GDAP2: variants seen among roughly 807,000 people sequenced by gnomAD.
GDAP2 encodes ganglioside-induced differentiation-associated protein 2.
Under a neutral mutation model 67.0 loss-of-function variants are expected in GDAP2, and 51 were observed. The ratio of observed to expected loss-of-function variants is 0.76; its 90% CI spans 0.61 to 0.96. The LOEUF is 0.96. Ranked by LOEUF, GDAP2 falls within the 40% of genes least tolerant of loss-of-function variation. The pLI is 0.00. For missense variants in GDAP2, 547 were observed against 588.3 expected, an observed-to-expected ratio of 0.93 and a Z score of 0.73; for synonymous variants, 203 against 207.3, an observed-to-expected ratio of 0.98 and a Z score of 0.18.
At chr1:117,881,665 C>G (rs1648651170) in intron 12 of GDAP2, among the ~76,000 whole-genome samples, 158 bp downstream of exon 12, 1 of 152,128 alleles carries the variant, frequency 6.6e-6, no homozygotes, top group Admixed American at 6.6e-5. Context: ...TCACATACAA[C>G]CAAAACATCA....
intron 1 of GDAP2, among the ~76,000 whole-genome samples, chr1:117,926,439 A>G (rs1417738751): frequency 2.6e-5 from 4 of 152,222 alleles, no homozygotes; most frequent in Non-Finnish European, 5.9e-5. Flanking sequence ...TGGATGTTAA[A>G]TAAGTAAAAG....
chr1:117,902,701 C>T (rs927878192), intron 6 of GDAP2, among the ~76,000 whole-genome samples: 2 of 152,162 alleles, frequency 1.3e-5, no homozygotes, highest in African/African-American at 4.8e-5. Flanking sequence ...TGTGAATCTT[C>T]CAATGTTGTT....
intron 1 of GDAP2, among the ~76,000 whole-genome samples, chr1:117,928,336 G>A (rs1571002638): frequency 1.3e-5 from 2 of 152,252 alleles, no homozygotes; most frequent in Middle Eastern, 6.8e-3. Context: ...CTGAAAAATA[G>A]CTTTTTTAGA....
chr1:117,873,822 T>C (rs558769940), intron 13 of GDAP2, among the ~76,000 whole-genome samples: 105 of 152,290 alleles, frequency 6.9e-4, no homozygotes, highest in Non-Finnish European at 1.2e-3. Flanking sequence ...GAATTTTATT[T>C]CCTAAAATGT....
At position 117,867,426 on chromosome 1, in the gene GDAP2, T is replaced by C. The variant is rs1648106442; in HGVS notation, c.*3143A>G. 6.7e-6 allele frequency: 1 copy of C among 149,740 alleles called. No individual in the cohort carries two copies. The allele number at this position is 149,740 out of a possible 1,614,324, so 9.3% of individuals were successfully genotyped here. ...AATACAGGATGGGCACGGTGGCTCA[T>C]ACTGGTAAGCCCAACACTTTGGGAG... On this transcript the variant is annotated 3_prime_UTR_variant, in exon 14 of 14. Coordinates refer to ENST00000369443, the MANE Select transcript of GDAP2 (RefSeq NM_017686.4).
intron 10 of GDAP2, among the ~76,000 whole-genome samples, chr1:117,884,824 G>A (rs1178215065): frequency 6.6e-6 from 1 of 151,696 alleles, no homozygotes; most frequent in East Asian, 1.9e-4. Flanking sequence ...GTGTGTGTGT[G>A]TGTGTGTGTG....
rs1161148253 is a variant in GDAP2, at chr1:117,869,846, G to A, written c.*723C>T. On this transcript the variant is annotated 3_prime_UTR_variant, in exon 14 of 14. Transcript: ENST00000369443. ...TAATATGTGCGGTCCTTTTGAATAA[G>A]ACCAAATCATCCATGATTATAGGAA... 3 of 152,290 alleles carry A rather than the reference G, an allele frequency of 2.0e-5. No individual in the cohort carries two copies. Among genetic ancestry groups the A allele is most frequent in the Non-Finnish European group, 4.4e-5 (3 of 68,098 alleles). 9.4% of individuals were successfully genotyped at this position (152,290 alleles called of 1,614,324 possible). A position where few individuals can be genotyped will look rare whatever the true frequency, so the allele number is the denominator to read the frequency against.
At position 117,920,382 on chromosome 1, in the gene GDAP2, T is replaced by C. The variant is rs1169594362; in HGVS notation, c.-25A>G. The C allele has an allele frequency of 4.6e-6, 7 of 1,535,326 alleles. No individual in the cohort carries two copies. In the Admixed American group the frequency reaches 1.3e-4, roughly 29 times the overall value. ...TGGAATGGGAACTTTGATTTGTCTT[T>C]TCCCAAAATCCTCAGCAATTCAATA... On this transcript the variant is annotated 5_prime_UTR_variant, in exon 2 of 14. Transcript: ENST00000369443.
chr1:117,909,532 T>C (rs371182070), intron 5 of GDAP2, among the ~76,000 whole-genome samples: 2 of 152,198 alleles, frequency 1.3e-5, no homozygotes, highest in African/African-American at 4.8e-5. Context: ...TTGGCCCATA[T>C]ATGTTACAAA....
At position 117,867,913 on chromosome 1, in the gene GDAP2, G is replaced by A. The variant is rs1432601062; in HGVS notation, c.*2656C>T. ...ACACGTGGAAGCAAGAAGTGTACTTGTTTTAAAAATCATATTATGCCTTGC... is the reference window on the plus strand; with the variant it reads ...ACACGTGGAAGCAAGAAGTGTACTTATTTTAAAAATCATATTATGCCTTGC... On this transcript the variant is annotated 3_prime_UTR_variant, in exon 14 of 14. Transcript: ENST00000369443. 1.3e-5 allele frequency: 2 copies of A among 152,156 alleles called. No individual in the cohort carries two copies. Among genetic ancestry groups the A allele is most frequent in the African/African-American group, 4.8e-5 (2 of 41,434 alleles). 9.4% of individuals were successfully genotyped at this position (152,156 alleles called of 1,614,324 possible).
At chr1:117,918,554 G>C (rs749466551) in intron 3 of GDAP2, 43 bp downstream of exon 3, 69 of 1,437,632 alleles carry the variant, frequency 4.8e-5, no homozygotes, top group Admixed American at 1.5e-4. Flanking sequence ...ACATCAAAAT[G>C]AATGTTTTCT....
At chr1:117,916,836 C>A (rs1650060847) in intron 3 of GDAP2, among the ~76,000 whole-genome samples, 1 of 152,090 alleles carries the variant, frequency 6.6e-6, no homozygotes. Flanking sequence ...GAGTTCAAGA[C>A]CAGCCTGGCC....
Position 117,864,610 on chromosome 1 carries a change from G to C in GDAP2, c.*5959C>G, listed in dbSNP as rs1228262698. 6.6e-6 allele frequency: 1 copy of C among 151,962 alleles called. No individual in the cohort carries two copies. Among genetic ancestry groups the C allele is most frequent in the East Asian group, 1.9e-4 (1 of 5,192 alleles). 9.4% of individuals were successfully genotyped at this position (151,962 alleles called of 1,614,324 possible). ...TTTGCTTGTGTTAACCCATAAACTT[G>C]TTTTGGTTTTATACTTGTGCAAGAC... On this transcript the variant is annotated 3_prime_UTR_variant, in exon 14 of 14. Transcript: ENST00000369443.
chr1:117,890,527 C>G (rs1649037184), intron 8 of GDAP2, among the ~76,000 whole-genome samples: 1 of 152,010 alleles, frequency 6.6e-6, no homozygotes. Flanking sequence ...ACTCGCATAA[C>G]TGGTATATGC....
chr1:117,900,997 T>A (rs1570981458), intron 6 of GDAP2, among the ~76,000 whole-genome samples: 1 of 151,878 alleles, frequency 6.6e-6, no homozygotes, highest in African/African-American at 2.4e-5. Flanking sequence ...GATTTGGAGG[T>A]TGTAGTGAGC....
At chr1:117,922,434 C>G (rs1270161691) in intron 1 of GDAP2, among the ~76,000 whole-genome samples, 2 of 152,266 alleles carry the variant, frequency 1.3e-5, no homozygotes, top group East Asian at 3.9e-4. Context: ...TTAAATGATA[C>G]TGAAAGGTTG....
chr1:117,915,208 A>C (rs962465522), intron 3 of GDAP2, among the ~76,000 whole-genome samples: 1 of 152,222 alleles, frequency 6.6e-6, no homozygotes, highest in Non-Finnish European at 1.5e-5. Context: ...TTTTAGGCAA[A>C]ACTTGACTCC....
In GDAP2 at chr1:117,894,946, T is replaced by A. The variant is rs76771535; in HGVS notation, c.953+1887A>T. On this transcript the variant is annotated intron_variant, in intron 8 of 13. Coordinates refer to ENST00000369443, the MANE Select transcript of GDAP2 (RefSeq NM_017686.4). ...ATTGGTGATACTATACAATCGATAC[T>A]AACAAATATAATTTTTTGATACTGT... Among the ~76,000 whole-genome samples the A allele has an allele frequency of 4.2e-3, 641 of 152,324 alleles. 5 individuals carry two copies. Among genetic ancestry groups the A allele is most frequent in the African/African-American group, 0.015 (616 of 41,580 alleles).
At chr1:117,911,279 T>C (rs1649847987) in intron 5 of GDAP2, among the ~76,000 whole-genome samples, 1 of 152,194 alleles carries the variant, frequency 6.6e-6, no homozygotes, top group Non-Finnish European at 1.5e-5. Flanking sequence ...CATACAGGCA[T>C]TTGGCTCATA....
Sources: allele counts gnomAD v4.1 joint callset (sites outside exome capture counted in the v4.1 genomes callset), GRCh38; gene constraint gnomAD v4.1.1; transcripts MANE v1.5; gene names NCBI Gene and HGNC (gene_info 2026-07-23, HGNC 2026-07-21).